Variants in SORBS2 observed in about 807,000 individuals in gnomAD.
SORBS2 encodes sorbin and SH3 domain containing 2.
A neutral mutation model predicts 97.7 loss-of-function variants in SORBS2; 46 were observed. That is an observed-to-expected ratio of 0.47 (90% CI 0.37 to 0.60). The LOEUF is 0.60. SORBS2 is among the 20% of genes least tolerant of loss of function. SORBS2 has a pLI of 0.00. For synonymous variants in SORBS2, 476 were observed against 473.4 expected (o/e 1.01, Z -0.07); for missense variants, 1,316 against 1,282.3 (o/e 1.03, Z -0.40).
intron 4 of SORBS2, among the ~76,000 whole-genome samples, chr4:185,670,302 C>T (rs773696160): frequency 3.9e-5 from 6 of 152,042 alleles, no homozygotes; most frequent in Admixed American, 6.6e-5. Flanking sequence ...ACGTGCGTTT[C>T]AACTTTTCAA....
At chr4:185,690,601 C>G in intron 2 of SORBS2, 1 of 1,484,770 alleles carries the variant, frequency 6.7e-7, no homozygotes, top group Non-Finnish European at 9.1e-7. Flanking sequence ...TTATTAAAGT[C>G]TTCAGTTTTC....
intron 1 of SORBS2, among the ~76,000 whole-genome samples, chr4:185,777,155 A>C (rs538037067): frequency 6.6e-6 from 1 of 152,348 alleles, no homozygotes; most frequent in East Asian, 1.9e-4. Context: ...CAAATTAAAA[A>C]ATTATAAATT....
intron 5 of SORBS2, among the ~76,000 whole-genome samples, chr4:185,628,258 C>A (rs2096850528): frequency 6.6e-6 from 1 of 150,954 alleles, no homozygotes; most frequent in South Asian, 2.1e-4. Flanking sequence ...TATCTTGTAT[C>A]TTTTCTCTAT....
chr4:185,806,454 T>G (rs1457330025), intron 1 of SORBS2, among the ~76,000 whole-genome samples: 2,628 of 87,404 alleles, frequency 0.03, 372 homozygotes, highest in African/African-American at 0.042. Flanking sequence ...TTTTTTTTTT[T>G]TTTTTTTTTT....
At chr4:185,827,246 C>A (rs931684030) in intron 1 of SORBS2, among the ~76,000 whole-genome samples, 1 of 7,836 alleles carries the variant, frequency 1.3e-4, no homozygotes, top group Non-Finnish European at 2.7e-4. Flanking sequence ...ACCATCACCA[C>A]CATCATCATC....
At chr4:185,753,650 T>C (rs10027307) in intron 2 of SORBS2, among the ~76,000 whole-genome samples, 32,111 of 152,146 alleles carry the variant, frequency 0.21, 3,632 homozygotes, top group Middle Eastern at 0.28. Flanking sequence ...TCTTATTCTA[T>C]CAGTAGGCAG....
rs922314149 is a variant in SORBS2 at position 185,677,632 on chromosome 4, G to T, written c.-46+791C>A. On this transcript the variant is annotated intron_variant, in intron 4 of 20. Coordinates refer to the SORBS2 transcript ENST00000284776. ...AAGCTCTCTTTTCTTTCTGGTGGAGGGGGTGCCTGGATTGACAATGGGATC... is the reference window on the plus strand; with the variant it reads ...AAGCTCTCTTTTCTTTCTGGTGGAGTGGGTGCCTGGATTGACAATGGGATC... 2.7e-6 allele frequency: 4 copies of T among 1,508,314 alleles called. No individual in the cohort carries two copies. In the East Asian group the frequency reaches 7.4e-5, roughly 28 times the overall value. The allele number at this position is 1,508,314 out of a possible 1,614,324, so 93.4% of individuals were successfully genotyped here. A position where few individuals can be genotyped will look rare whatever the true frequency, so the allele number is the denominator to read the frequency against.
intron 2 of SORBS2, among the ~76,000 whole-genome samples, chr4:185,715,667 G>A (rs542608327): frequency 1.3e-5 from 2 of 152,248 alleles, no homozygotes; most frequent in African/African-American, 4.8e-5. Context: ...GAACATTTCT[G>A]GAACTCAACA....
chr4:185,722,640 G>A (rs1192927186), intron 2 of SORBS2, among the ~76,000 whole-genome samples: 2 of 152,126 alleles, frequency 1.3e-5, no homozygotes, highest in African/African-American at 4.8e-5. Flanking sequence ...GAAACTTGTT[G>A]AAAGAGTCTT....
intron 1 of SORBS2, among the ~76,000 whole-genome samples, chr4:185,907,272 T>TA (rs1431157712): frequency 4.6e-5 from 7 of 152,334 alleles, no homozygotes; most frequent in Middle Eastern, 3.4e-3. Context: ...GCTACCCTGC[T>TA]AGTCTGTCTG....
At chr4:185,611,161 A>T (rs1289452205) in intron 12 of SORBS2, among the ~76,000 whole-genome samples, 3 of 152,078 alleles carry the variant, frequency 2.0e-5, no homozygotes, top group Admixed American at 6.5e-5. Flanking sequence ...AACCGACAAC[A>T]TTTTCATTTA....
At chr4:185,888,924 CG>C (rs2149796663) in intron 1 of SORBS2, among the ~76,000 whole-genome samples, 1 of 152,344 alleles carries the variant, frequency 6.6e-6, no homozygotes, top group African/African-American at 2.4e-5. Context: ...AGTAGGTGTT[CG>C]GCCCACCTGT....
intron 1 of SORBS2, among the ~76,000 whole-genome samples, chr4:185,840,895 C>T (rs1183639290): frequency 6.6e-6 from 1 of 151,962 alleles, no homozygotes; most frequent in Non-Finnish European, 1.5e-5. Context: ...GAGAGATGCT[C>T]CAAACTCAGT....
intron 1 of SORBS2, among the ~76,000 whole-genome samples, chr4:185,841,414 T>C (rs1317292306): frequency 1.3e-5 from 2 of 152,156 alleles, no homozygotes; most frequent in African/African-American, 2.4e-5. Flanking sequence ...GGTGGGTGAG[T>C]TCCTGGGCTG....
intron 2 of SORBS2, among the ~76,000 whole-genome samples, chr4:185,717,396 G>A (rs2098474687): frequency 6.6e-6 from 1 of 152,212 alleles, no homozygotes; most frequent in Non-Finnish European, 1.5e-5. Flanking sequence ...GGATATCTCT[G>A]TAGCAGAAAC....
At chr4:185,646,821 T>C (rs2097215260) in intron 3 of SORBS2, 39 bp from the exon 13 acceptor site, 4 of 1,198,820 alleles carry the variant, frequency 3.3e-6, no homozygotes, top group Non-Finnish European at 5.0e-6. Flanking sequence ...AAATAATCCT[T>C]TTTGCTTAAA....
chr4:185,827,891 T>C (rs879120395), intron 1 of SORBS2, among the ~76,000 whole-genome samples: 2 of 138,314 alleles, frequency 1.4e-5, no homozygotes, highest in South Asian at 4.8e-4. Flanking sequence ...ATCATCAGCG[T>C]CACCATCATC....
At chr4:185,818,724 G>A (rs1041671374) in intron 1 of SORBS2, among the ~76,000 whole-genome samples, 1 of 151,840 alleles carries the variant, frequency 6.6e-6, no homozygotes. Context: ...TACTTGGGAG[G>A]CTGAGGCAGG....
chr4:185,840,783 A>G (rs896796745), intron 1 of SORBS2, among the ~76,000 whole-genome samples: 4 of 152,334 alleles, frequency 2.6e-5, no homozygotes, highest in Admixed American at 2.6e-4. Context: ...GGCACTTGAT[A>G]CCGAGATGAA....
Sources: gnomAD v4.1 joint callset for allele counts (sites outside exome capture counted in the v4.1 genomes callset) on GRCh38, gnomAD v4.1.1 for gene constraint, MANE v1.5 for transcripts, NCBI Gene and HGNC (gene_info 2026-07-23, HGNC 2026-07-21) for gene names.